Variants in EIF5B observed in about 807,000 individuals in gnomAD.
EIF5B encodes eukaryotic translation initiation factor 5B.
Under a neutral mutation model 147.5 loss-of-function variants are expected in EIF5B, and 47 were observed. The observed-to-expected ratio is 0.32, with a 90% CI of 0.25 to 0.41. The LOEUF (loss-of-function observed/expected upper bound fraction) is 0.41, where lower values mean the gene tolerates loss of function less well. Among genes scored for constraint, EIF5B ranks in the 10% least tolerant of loss-of-function variants. EIF5B has a pLI of 1.00. For synonymous variants in EIF5B, 455 were observed against 456.2 expected, an observed-to-expected ratio of 1.00 and a Z score of 0.03; for missense variants, 1,064 against 1,413.2, an observed-to-expected ratio of 0.75 and a Z score of 3.96.
rs1222859741 is a variant in EIF5B at position 99,363,652 on chromosome 2, T to G, written c.927T>G (p.Asn309Lys). ...CTTTATTCTTTTTGGTAGATGACAA[T>G]GAAGGAGACAAAAAGAAGAAAGATA... ...AETPTAAEDD[N>K]EGDKKKKDKK... Residue 309 changes from asparagine to lysine, a missense_variant, in exon 5 of 24, where the codon AAT (asparagine) becomes AAG (lysine). Around this residue, in one of 4 missense-constraint regions of EIF5B, gnomAD observed 458 missense variants for 451.3 expected, o/e 1.01. Coordinates refer to ENST00000289371, the MANE Select transcript of EIF5B (RefSeq NM_015904.4). 6.3e-6 allele frequency: 10 copies of G among 1,579,168 alleles called. No individual in the cohort carries two copies. Among genetic ancestry groups the G allele is most frequent in the Non-Finnish European group, 8.5e-6 (10 of 1,171,166 alleles).
chr2:99,363,754 T>C lies in EIF5B; in HGVS notation c.1029T>C (p.Ala343=), dbSNP rs778055308. 1.2e-6 allele frequency: 2 copies of C among 1,613,768 alleles called. No individual in the cohort carries two copies. Among genetic ancestry groups the C allele is most frequent in the Non-Finnish European group, 1.7e-6 (2 of 1,179,962 alleles). The change falls in exon 5 of 24, where the codon GCT becomes GCC. Residue 343 remains alanine (A), a synonymous_variant. Transcript: ENST00000289371. ...GACCTAGCAAAGCCACTGTTAAAGC[T>C]ATGCAAGAAGCTCTGGCTAAGCTTA... ...KKGPSKATVK[A]MQEALAKLKE... is the part of the protein sequence containing the mutation.
intron 17 of EIF5B, among the ~76,000 whole-genome samples, chr2:99,392,333 C>G (rs376176104): frequency 2.6e-5 from 4 of 152,022 alleles, no homozygotes; most frequent in African/African-American, 9.7e-5. Flanking sequence ...AGCCACCGCA[C>G]CCGGCCCAGT....
At chr2:99,374,979 C>G (rs886098921) in intron 9 of EIF5B, among the ~76,000 whole-genome samples, 7 of 151,826 alleles carry the variant, frequency 4.6e-5, no homozygotes, top group Non-Finnish European at 7.4e-5. Context: ...CTCCTTGGCT[C>G]TTTCTATTCT....
intron 22 of EIF5B, 119 bp downstream of exon 22, chr2:99,397,017 G>T: frequency 5.4e-6 from 6 of 1,111,340 alleles, no homozygotes; most frequent in South Asian, 5.1e-5. Context: ...TATTTAGTGT[G>T]GTCTCCACCT....
intron 1 of EIF5B, among the ~76,000 whole-genome samples, chr2:99,359,098 C>CA: frequency 6.6e-6 from 1 of 152,054 alleles, no homozygotes; most frequent in African/African-American, 2.4e-5. Context: ...AGCAGTGGCT[C>CA]ACGCCTGTAA....
At chr2:99,342,525 G>T (rs1300986027) in intron 1 of EIF5B, among the ~76,000 whole-genome samples, 3 of 151,902 alleles carry the variant, frequency 2.0e-5, no homozygotes, top group Non-Finnish European at 2.9e-5. Flanking sequence ...TTTAGGATTT[G>T]GCTTTTTCCC....
intron 23 of EIF5B, 37 bp from the exon 24 acceptor site, chr2:99,399,270 T>C (rs1675145438): frequency 6.3e-7 from 1 of 1,595,602 alleles, no homozygotes; most frequent in Non-Finnish European, 8.6e-7. Flanking sequence ...ACGTTTGTTA[T>C]GTTCTGTTTA....
chr2:99,338,473 T>A, intron 1 of EIF5B: 1 of 499,398 alleles, frequency 2.0e-6, no homozygotes, highest in Non-Finnish European at 3.6e-6. Context: ...GTAAGGTAAA[T>A]TAAAAAAACT....
Position 99,401,156 on chromosome 2 carries a change from C to A in EIF5B, c.*1742C>A. 1.4e-6 allele frequency: 1 copy of A among 719,854 alleles called. No homozygotes were observed. Among genetic ancestry groups the A allele is most frequent in the East Asian group, 2.7e-5 (1 of 37,548 alleles). The allele number at this position is 719,854 out of a possible 1,614,324, so 44.6% of individuals were successfully genotyped here. On this transcript the variant is annotated 3_prime_UTR_variant, in exon 24 of 24. Coordinates refer to ENST00000289371, the MANE Select transcript of EIF5B (RefSeq NM_015904.4). ...AAGAAATTTAAAATTATAAAAACTC[C>A]GAGCATTACTATCATGCACTTTGCA... is the stretch of plus-strand genomic sequence containing the variant.
intron 1 of EIF5B, among the ~76,000 whole-genome samples, chr2:99,355,769 C>T (rs1032523424): frequency 1.3e-5 from 2 of 151,978 alleles, no homozygotes; most frequent in South Asian, 2.1e-4. Context: ...TGTGCCACCA[C>T]GTCCAGCTAA....
chr2:99,359,284 G>A (rs894122133), intron 1 of EIF5B, among the ~76,000 whole-genome samples: 2 of 151,608 alleles, frequency 1.3e-5, no homozygotes, highest in African/African-American at 4.8e-5. Flanking sequence ...CAGGAGAATC[G>A]CTTGAACCCA....
At chr2:99,358,856 A>G (rs896338388) in intron 1 of EIF5B, among the ~76,000 whole-genome samples, 5 of 152,194 alleles carry the variant, frequency 3.3e-5, no homozygotes, top group Admixed American at 6.5e-5. Context: ...AAATGTAGGA[A>G]GAAAAGGAGC....
At chr2:99,341,507 C>G (rs1478308223) in intron 1 of EIF5B, among the ~76,000 whole-genome samples, 1 of 152,156 alleles carries the variant, frequency 6.6e-6, no homozygotes, top group African/African-American at 2.4e-5. Context: ...ATTTATGCTT[C>G]TAAGTTTATT....
intron 1 of EIF5B, chr2:99,338,505 C>T: frequency 2.6e-6 from 1 of 389,052 alleles, no homozygotes; most frequent in East Asian, 7.5e-5. Context: ...ATCAGTCTGA[C>T]TCAAAACAGA....
rs891721480 is a variant in EIF5B, at chr2:99,399,763, C to T, written c.*349C>T. ...TTTTATACTGATTAAATCAGTACTG[C>T]AGTATTTGATTAACCAAGCTTCTGC... is the stretch of plus-strand genomic sequence containing the variant. On this transcript the variant is annotated 3_prime_UTR_variant, in exon 24 of 24. Transcript: ENST00000289371. The T allele has an allele frequency of 1.2e-5, 2 of 172,108 alleles. No individual in the cohort carries two copies. Among genetic ancestry groups the T allele is most frequent in the Non-Finnish European group, 2.5e-5 (2 of 79,614 alleles). 10.7% of individuals were successfully genotyped at this position (172,108 alleles called of 1,614,324 possible).
intron 1 of EIF5B, among the ~76,000 whole-genome samples, chr2:99,354,880 G>C (rs531326399): frequency 5.6e-5 from 8 of 142,810 alleles, no homozygotes; most frequent in Non-Finnish European, 1.2e-4. Context: ...TCAGCTCACT[G>C]CAACTTCTGC....
intron 10 of EIF5B, 56 bp from the exon 11 acceptor site, chr2:99,378,963 T>C (rs537247993): frequency 5.3e-6 from 7 of 1,327,408 alleles, no homozygotes; most frequent in Non-Finnish European, 7.1e-6. Flanking sequence ...AAAATAAGGA[T>C]AGTGAGGATT....
At chr2:99,399,141 G>A in intron 23 of EIF5B, 166 bp from the exon 24 acceptor site, 1 of 777,372 alleles carries the variant, frequency 1.3e-6, no homozygotes, top group Non-Finnish European at 2.0e-6. Context: ...TGCCTGACAT[G>A]CAAACCAGAT....
At chr2:99,391,759 T>C (rs866602288) in intron 17 of EIF5B, among the ~76,000 whole-genome samples, 3 of 147,366 alleles carry the variant, frequency 2.0e-5, no homozygotes, top group Admixed American at 1.4e-4. Flanking sequence ...GGTGATAGGC[T>C]CTCACTGTCA....
Sources: allele counts gnomAD v4.1 joint callset (sites outside exome capture counted in the v4.1 genomes callset), GRCh38; gene constraint gnomAD v4.1.1; regional missense constraint gnomAD v4.1.1; transcripts MANE v1.5; gene names NCBI Gene and HGNC (gene_info 2026-07-23, HGNC 2026-07-21).